The following PCYOX1L variants were observed in gnomAD, a reference collection of about 807,000 sequenced individuals.
The protein encoded by PCYOX1L is prenylcysteine oxidase 1 like, also known as prenylcysteine oxidase 1-like.
In PCYOX1L, 40 loss-of-function variants were observed where a neutral mutation model predicts 44.1. That is an observed-to-expected ratio of 0.91 (90% CI 0.70 to 1.18). The LOEUF is 1.18. Among genes scored for constraint, PCYOX1L ranks in the 50% most tolerant of loss-of-function variants. The pLI is 0.00. For synonymous variants in PCYOX1L, 266 were observed against 282.8 expected (o/e 0.94, Z 0.60); for missense variants, 605 against 653.3 (o/e 0.93, Z 0.81).
Position 149,358,147 on chromosome 5 carries a change from G to A in PCYOX1L, c.79G>A (p.Gly27Ser). The change falls in exon 1 of 6, where the codon GGC (glycine) becomes AGC (serine). Residue 27 changes from glycine to serine, a missense_variant. Transcript: ENST00000274569. ...AAAAGGDAPPGKIAVVGAGIG... is the reference protein window; with the variant it reads ...AAAAGGDAPPSKIAVVGAGIG... Reference sequence around the variant, plus strand: ...CGCTGCTGGCGGAGATGCCCCGCCGGGCAAAATCGGTGCGGGAAGGACGCG... The same window carrying A: ...CGCTGCTGGCGGAGATGCCCCGCCGAGCAAAATCGGTGCGGGAAGGACGCG... 6.9e-7 allele frequency: 1 copy of A among 1,457,862 alleles called. No individual in the cohort carries two copies. Among genetic ancestry groups the A allele is most frequent in the South Asian group, 1.3e-5 (1 of 75,582 alleles). 90.3% of individuals were successfully genotyped at this position (1,457,862 alleles called of 1,614,324 possible).
At chr5:149,367,165 C>T (rs759824141) in intron 4 of PCYOX1L, among the ~76,000 whole-genome samples, 195 bp from the exon 5 acceptor site, 1 of 152,214 alleles carries the variant, frequency 6.6e-6, no homozygotes, top group Non-Finnish European at 1.5e-5. Flanking sequence ...CTGGCTCTTT[C>T]GTTGAGCACA....
At chr5:149,360,898 C>T (rs1757988471) in intron 1 of PCYOX1L, among the ~76,000 whole-genome samples, 1 of 152,206 alleles carries the variant, frequency 6.6e-6, no homozygotes, top group African/African-American at 2.4e-5. Flanking sequence ...TTGCCTGTGA[C>T]TTCTGGCAGG....
intron 1 of PCYOX1L, among the ~76,000 whole-genome samples, chr5:149,361,123 G>A (rs1757996884): frequency 1.3e-5 from 2 of 152,220 alleles, no homozygotes; most frequent in African/African-American, 4.8e-5. Flanking sequence ...AATGATTAGT[G>A]TCAGGTGAGG....
chr5:149,358,222 CAGCT>C (rs1757907617), intron 1 of PCYOX1L, 66 bp downstream of exon 1: 27 of 1,350,998 alleles, frequency 2.0e-5, no homozygotes, highest in Non-Finnish European at 2.2e-5. Flanking sequence ...TCTCAGTTCT[CAGCT>C]AGGTGGGGTA....
At position 149,358,182 on chromosome 5, in the gene PCYOX1L, C is replaced by G. The variant is rs375868714; in HGVS notation, c.88+26C>G. 442 of 1,424,332 alleles carry G rather than the reference C, an allele frequency of 3.1e-4. 1 individual carries two copies. In the African/African-American group the frequency reaches 5.8e-3, roughly 19 times the overall value. The allele number at this position is 1,424,332 out of a possible 1,614,324, so 88.2% of individuals were successfully genotyped here. ...GTGCGGGAAGGACGCGGTGGGGTTC[C>G]CAGCTGGGGAGGGCCGGCGGGTAAA... On this transcript the variant is annotated intron_variant, in intron 1 of 5. Coordinates refer to ENST00000274569, the MANE Select transcript of PCYOX1L (RefSeq NM_024028.4).
intron 3 of PCYOX1L, chr5:149,365,553 G>A: frequency 7.6e-6 from 2 of 263,584 alleles, no homozygotes; most frequent in East Asian, 9.8e-5. Context: ...GTGTCATCAG[G>A]TCCTAGAAGC....
intron 5 of PCYOX1L, among the ~76,000 whole-genome samples, chr5:149,367,768 C>G (rs1758267253): frequency 6.6e-6 from 1 of 152,212 alleles, no homozygotes; most frequent in Admixed American, 6.5e-5. Context: ...CACGCTCCCC[C>G]AACTGGCCAG....
At chr5:149,364,336 G>T (rs1758128341) in intron 3 of PCYOX1L, 126 bp downstream of exon 3, 2 of 1,199,886 alleles carry the variant, frequency 1.7e-6, no homozygotes, top group South Asian at 1.5e-5. Flanking sequence ...GCACAATTCA[G>T]TGCAGGCTCA....
At position 149,358,058 on chromosome 5, in the gene PCYOX1L, C is replaced by T. The variant is rs1334063040; in HGVS notation, c.-11C>T. The T allele has an allele frequency of 3.0e-6, 4 of 1,331,822 alleles. No homozygotes were observed. In the African/African-American group the frequency reaches 4.6e-5, roughly 15 times the overall value. The allele number at this position is 1,331,822 out of a possible 1,614,324, so 82.5% of individuals were successfully genotyped here. A position where few individuals can be genotyped will look rare whatever the true frequency, so the allele number is the denominator to read the frequency against. ...GCCTGAATCCGGCGTGCTGCCCGCT[C>T]GCCGCCCGCCATGGCCCGCGCAGCC... On this transcript the variant is annotated 5_prime_UTR_variant, in exon 1 of 6. Coordinates refer to ENST00000274569, the MANE Select transcript of PCYOX1L (RefSeq NM_024028.4).
chr5:149,367,465 A>G lies in PCYOX1L; in HGVS notation c.788A>G (p.His263Arg). The change falls in exon 5 of 6, where the codon CAT (histidine) becomes CGT (arginine). Residue 263 changes from histidine (H) to arginine (R), a missense_variant. His to Arg is a conservative substitution (Grantham distance 29). Coordinates refer to ENST00000274569, the MANE Select transcript of PCYOX1L (RefSeq NM_024028.4). ...LLKLTKANVI[H>R]ATVTSVTLHS... ...AAGCTCACCAAGGCCAATGTGATCC[A>G]TGCCACAGTGACCTCTGTGACCCTG... is the stretch of plus-strand genomic sequence containing the variant. 6.2e-7 allele frequency: 1 copy of G among 1,613,958 alleles called. No homozygotes were observed. The highest frequency in any genetic ancestry group is 8.5e-7 in the Non-Finnish European group (1 of 1,179,922).
intron 2 of PCYOX1L, chr5:149,363,832 A>C (rs958943434): frequency 1.7e-6 from 1 of 599,346 alleles, no homozygotes; most frequent in Admixed American, 3.2e-5. Context: ...AAAAAATGTA[A>C]AATGTTACAT....
chr5:149,362,525 G>T, intron 1 of PCYOX1L, 112 bp from the exon 2 acceptor site: 6 of 1,103,128 alleles, frequency 5.4e-6, no homozygotes, highest in Non-Finnish European at 7.9e-6. Flanking sequence ...ATAAGCCTAG[G>T]AAATTTAAGC....
intron 3 of PCYOX1L, 148 bp from the exon 4 acceptor site, chr5:149,365,794 C>T: frequency 1.5e-6 from 1 of 684,694 alleles, no homozygotes; most frequent in Non-Finnish European, 2.5e-6. Context: ...GAACAGGTGC[C>T]AGGGAACATG....
chr5:149,363,086 T>C, intron 2 of PCYOX1L: 1 of 652,786 alleles, frequency 1.5e-6, no homozygotes, highest in South Asian at 1.5e-5. Context: ...CCCTTTCAAT[T>C]TGCTGCCTCT....
intron 2 of PCYOX1L, chr5:149,363,171 C>A: frequency 2.2e-6 from 1 of 448,562 alleles, no homozygotes; most frequent in South Asian, 1.8e-5. Context: ...TAGGCATTAC[C>A]TCAGCTCCCC....
intron 4 of PCYOX1L, 144 bp from the exon 5 acceptor site, chr5:149,367,216 C>A: frequency 3.1e-6 from 3 of 974,718 alleles, no homozygotes; most frequent in South Asian, 1.9e-5. Context: ...GTTGTACTTA[C>A]TTGTATGTTT....
chr5:149,358,488 C>T (rs1266206223), intron 1 of PCYOX1L, among the ~76,000 whole-genome samples: 1 of 152,154 alleles, frequency 6.6e-6, no homozygotes, highest in African/African-American at 2.4e-5. Context: ...AGAGGCTGGG[C>T]GATGGCATTC....
chr5:149,368,573 G>T lies in PCYOX1L; in HGVS notation c.1404G>T (p.Leu468Phe). 1.3e-6 allele frequency: 2 copies of T among 1,586,576 alleles called. No individual in the cohort carries two copies. Among genetic ancestry groups the T allele is most frequent in the Non-Finnish European group, 1.7e-6 (2 of 1,169,264 alleles). The change falls in exon 6 of 6, where the codon TTG (leucine) becomes TTT (phenylalanine). Residue 468 changes from leucine to phenylalanine, a missense_variant. Physicochemically the swap from Leu to Phe is conservative, Grantham distance 22 (BLOSUM62 0). Coordinates refer to ENST00000274569, the MANE Select transcript of PCYOX1L (RefSeq NM_024028.4). ...CCGTGGCTGCCAAGAATGTGGCCTT[G>T]CTGGCTTACAACCGCTGGTACCAGG... is the stretch of plus-strand genomic sequence containing the variant. ...VMAVAAKNVA[L>F]LAYNRWYQDL...
At chr5:149,367,575 C>G in intron 5 of PCYOX1L, 75 bp downstream of exon 5, 1 of 1,576,142 alleles carries the variant, frequency 6.3e-7, no homozygotes, top group Non-Finnish European at 8.6e-7. Context: ...TCCTTTGTAC[C>G]TCAGCCCTGG....
Sources: allele counts gnomAD v4.1 joint callset (sites outside exome capture counted in the v4.1 genomes callset), GRCh38; gene constraint gnomAD v4.1.1; transcripts MANE v1.5; gene names NCBI Gene and HGNC (gene_info 2026-07-23, HGNC 2026-07-21).